DIAPH3: variants seen among roughly 807,000 people sequenced by gnomAD.
DIAPH3 encodes protein diaphanous homolog 3.
Under a neutral mutation model 144.3 loss-of-function variants are expected in DIAPH3, and 117 were observed. That is an observed-to-expected ratio of 0.81 (90% CI 0.70 to 0.95). The LOEUF (loss-of-function observed/expected upper bound fraction) is 0.95. Among genes scored for constraint, DIAPH3 ranks in the 40% least tolerant of loss-of-function variants. The probability of loss-of-function intolerance (pLI) is 0.00; values close to 1 mark genes in which losing one functional copy is unlikely to be tolerated. For missense variants in DIAPH3, 1,421 were observed against 1,412.7 expected (o/e 1.01, Z -0.09); for synonymous variants, 519 against 488.9 (o/e 1.06, Z -0.81).
Position 59,666,424 on chromosome 13 carries a change from A to G in DIAPH3, c.*160T>C. 1 of 863,752 alleles carries G rather than the reference A, an allele frequency of 1.2e-6. No individual in the cohort carries two copies. The highest frequency in any genetic ancestry group is 1.7e-6 in the Non-Finnish European group (1 of 587,794). The allele number at this position is 863,752 out of a possible 1,614,324, so 53.5% of individuals were successfully genotyped here. On this transcript the variant is annotated 3_prime_UTR_variant, in exon 28 of 28. Coordinates refer to ENST00000400324, the MANE Select transcript of DIAPH3 (RefSeq NM_001042517.2). ...ATAAACCAAAACCTCCAGTACATAG[A>G]AAAAGCATTGCAATCATATATTTAG...
chr13:59,873,963 C>T (rs917069015), intron 21 of DIAPH3, among the ~76,000 whole-genome samples: 3 of 152,120 alleles, frequency 2.0e-5, no homozygotes, highest in Admixed American at 1.3e-4. Context: ...TGAGCCACTG[C>T]GCCTGGCCTC....
intron 11 of DIAPH3, 68 bp from the exon 12 acceptor site, chr13:59,991,342 A>G (rs996903593): frequency 3.5e-6 from 4 of 1,127,574 alleles, no homozygotes; most frequent in Non-Finnish European, 5.4e-6. Flanking sequence ...AATATGACAG[A>G]ATTTGTCCTG....
intron 23 of DIAPH3, among the ~76,000 whole-genome samples, chr13:59,835,328 T>C (rs981483478): frequency 5.9e-5 from 9 of 151,536 alleles, no homozygotes; most frequent in African/African-American, 1.7e-4. Flanking sequence ...AATAAACAAA[T>C]GAATCAGATT....
intron 25 of DIAPH3, among the ~76,000 whole-genome samples, chr13:59,805,884 T>C (rs1427971375): frequency 6.6e-6 from 1 of 152,016 alleles, no homozygotes; most frequent in African/African-American, 2.4e-5. Flanking sequence ...ATAGTGATAG[T>C]AAATAATAGT....
chr13:59,958,669 C>A (rs1447881170), intron 17 of DIAPH3, among the ~76,000 whole-genome samples: 1 of 151,294 alleles, frequency 6.6e-6, no homozygotes, highest in East Asian at 1.9e-4. Flanking sequence ...TTGTAAACTG[C>A]AAAATATATA....
In DIAPH3 at chr13:59,864,004, C is replaced by T. The variant is rs189353114; in HGVS notation, c.2608-2468G>A. Among the ~76,000 whole-genome samples, 525 of 152,124 alleles carry T rather than the reference C, an allele frequency of 3.5e-3. 3 individuals are homozygous for T. Among genetic ancestry groups the T allele is most frequent in the African/African-American group, 0.012 (490 of 41,530 alleles). ...TTTTACTCTAAAAATGTTAAGTATA[C>T]ATTATAGTGGAACTAAGAGTTAGTA... On this transcript the variant is annotated intron_variant, in intron 21 of 27. Coordinates refer to ENST00000400324, the MANE Select transcript of DIAPH3 (RefSeq NM_001042517.2).
chr13:59,742,331 GA>G (rs2036495765), intron 27 of DIAPH3, among the ~76,000 whole-genome samples: 1 of 152,038 alleles, frequency 6.6e-6, no homozygotes, highest in Non-Finnish European at 1.5e-5. Context: ...AAAGAAACAG[GA>G]AAATTTGCAT....
chr13:59,852,501 A>C (rs1008598614), intron 22 of DIAPH3, among the ~76,000 whole-genome samples: 1 of 152,250 alleles, frequency 6.6e-6, no homozygotes, highest in Non-Finnish European at 1.5e-5. Context: ...CTCCGTTTTC[A>C]AAAGAAATCT....
intron 3 of DIAPH3, among the ~76,000 whole-genome samples, chr13:60,094,826 A>G (rs1269812528): frequency 6.6e-6 from 1 of 152,220 alleles, no homozygotes; most frequent in African/African-American, 2.4e-5. Context: ...AATATTTAAG[A>G]TCTTAGAAGC....
Position 59,968,934 on chromosome 13 carries a change from G to A in DIAPH3, c.2074+1010C>T, listed in dbSNP as rs73547730. Among the ~76,000 whole-genome samples the A allele has an allele frequency of 1.4e-3, 209 of 152,214 alleles. 1 individual carries two copies. Among genetic ancestry groups the A allele is most frequent in the African/African-American group, 4.9e-3 (203 of 41,544 alleles). On this transcript the variant is annotated intron_variant, in intron 17 of 27. Transcript: ENST00000400324. ...AAGGTCTCTGACCTGTATCCATCCA[G>A]TACAATCTCTCCCTGCCACCTCTTC...
chr13:59,894,990 T>C (rs748878031), intron 20 of DIAPH3, among the ~76,000 whole-genome samples: 10 of 151,984 alleles, frequency 6.6e-5, no homozygotes, highest in Non-Finnish European at 1.5e-4. Flanking sequence ...AGGAACAAAA[T>C]ATTGACAGAA....
At chr13:59,867,381 T>C (rs887683915) in intron 21 of DIAPH3, among the ~76,000 whole-genome samples, 1 of 151,846 alleles carries the variant, frequency 6.6e-6, no homozygotes, top group Non-Finnish European at 1.5e-5. Flanking sequence ...ATAACTTTCT[T>C]AATAATTCTA....
chr13:60,057,821 C>T (rs1006680616), intron 4 of DIAPH3, among the ~76,000 whole-genome samples: 83 of 151,806 alleles, frequency 5.5e-4, no homozygotes, highest in African/African-American at 1.9e-3. Flanking sequence ...ATAAATAGTG[C>T]TGAGAAAATT....
chr13:59,755,722 A>G (rs971755666), intron 27 of DIAPH3, among the ~76,000 whole-genome samples: 1 of 152,284 alleles, frequency 6.6e-6, no homozygotes, highest in Middle Eastern at 3.4e-3. Flanking sequence ...CCCAGACCCC[A>G]TCTTAGACCA....
chr13:59,889,880 C>A (rs1302099598), intron 20 of DIAPH3, among the ~76,000 whole-genome samples: 1 of 152,078 alleles, frequency 6.6e-6, no homozygotes, highest in African/African-American at 2.4e-5. Flanking sequence ...CAATCTCCAA[C>A]CTGTTTTCCC....
intron 18 of DIAPH3, among the ~76,000 whole-genome samples, chr13:59,917,904 A>AG (rs2047306554): frequency 6.7e-6 from 1 of 148,718 alleles, no homozygotes; most frequent in Non-Finnish European, 1.5e-5. Flanking sequence ...AAAAAAAAAA[A>AG]AAAAAAAAAA....
At chr13:59,955,623 A>G (rs1213966726) in intron 17 of DIAPH3, among the ~76,000 whole-genome samples, 1 of 152,172 alleles carries the variant, frequency 6.6e-6, no homozygotes, top group Non-Finnish European at 1.5e-5. Flanking sequence ...TTGGAACTGG[A>G]TAACAGGCAG....
At chr13:59,700,492 C>CTTT (rs2034047501) in intron 27 of DIAPH3, among the ~76,000 whole-genome samples, 1 of 152,096 alleles carries the variant, frequency 6.6e-6, no homozygotes, top group Non-Finnish European at 1.5e-5. Context: ...ATTCTACGTA[C>CTTT]TTTCTTTCAT....
chr13:59,722,043 T>G (rs1195285485), intron 27 of DIAPH3, among the ~76,000 whole-genome samples: 2 of 152,320 alleles, frequency 1.3e-5, no homozygotes, highest in African/African-American at 2.4e-5. Context: ...GCTTTTACAC[T>G]TTATATAAAA....
Sources: gnomAD v4.1 joint callset for allele counts (sites outside exome capture counted in the v4.1 genomes callset) on GRCh38, gnomAD v4.1.1 for gene constraint, MANE v1.5 for transcripts, NCBI Gene and HGNC (gene_info 2026-07-23, HGNC 2026-07-21) for gene names.